The following RHBDF2 variants were observed in gnomAD, a reference collection of about 807,000 sequenced individuals.
RHBDF2 encodes rhomboid 5 homolog 2.
In RHBDF2, 38 loss-of-function variants were observed where a neutral mutation model predicts 95.2. The observed-to-expected ratio is 0.40, with a 90% CI of 0.31 to 0.52. The LOEUF is 0.52. Among genes scored for constraint, RHBDF2 ranks in the 20% least tolerant of loss-of-function variants. The pLI is 0.56. For synonymous variants in RHBDF2, 442 were observed against 462.0 expected (o/e 0.96, Z 0.55); for missense variants, 863 against 1,137.7 (o/e 0.76, Z 3.47).
At position 76,476,812 on chromosome 17, in the gene RHBDF2, T is replaced by C. The variant is rs2144110103; in HGVS notation, c.1115+18A>G. The C allele has an allele frequency of 6.3e-7, 1 of 1,576,780 alleles. No individual in the cohort carries two copies. The highest frequency in any genetic ancestry group is 2.1e-4 in the Middle Eastern group (1 of 4,706). ...GAACCTTCCAGGCTCTCCTGGGGGC[T>C]CCAGGGCGACACCTCACCGGTGGCT... On this transcript the variant is annotated intron_variant, in intron 9 of 18. Coordinates refer to ENST00000675367, the MANE Select transcript of RHBDF2 (RefSeq NM_001005498.4).
At chr17:76,496,286 G>A (rs58690509) in intron 1 of RHBDF2, among the ~76,000 whole-genome samples, 4,964 of 152,302 alleles carry the variant, frequency 0.033, 262 homozygotes, top group African/African-American at 0.11. Flanking sequence ...TCTGAGCCAC[G>A]AGCCCCACAG....
At chr17:76,483,224 TCA>T (rs2074023419) in intron 2 of RHBDF2, among the ~76,000 whole-genome samples, 1 of 152,144 alleles carries the variant, frequency 6.6e-6, no homozygotes, top group Non-Finnish European at 1.5e-5. Context: ...CCACACTCTA[TCA>T]TTTTACCTGC....
chr17:76,490,823 G>A (rs922146297), intron 1 of RHBDF2, among the ~76,000 whole-genome samples: 4 of 152,156 alleles, frequency 2.6e-5, no homozygotes, highest in Non-Finnish European at 5.9e-5. Flanking sequence ...GCCTGGCCAA[G>A]CCCTACTAGG....
intron 1 of RHBDF2, among the ~76,000 whole-genome samples, chr17:76,496,147 C>T (rs1992666): frequency 0.04 from 6,027 of 152,276 alleles, 137 homozygotes; most frequent in Middle Eastern, 0.071. Context: ...GTTGATGCCC[C>T]ACCACGGAGG....
At chr17:76,479,960 C>G in intron 3 of RHBDF2, 106 bp from the exon 4 acceptor site, 1 of 1,499,906 alleles carries the variant, frequency 6.7e-7, no homozygotes. Context: ...AAACTTCAAC[C>G]CTGATTTATG....
intron 18 of RHBDF2, chr17:76,472,391 AC>A: frequency 1.7e-6 from 1 of 580,824 alleles, no homozygotes. Context: ...CCGACGGCGC[AC>A]GGAGGCCATT....
intron 2 of RHBDF2, among the ~76,000 whole-genome samples, chr17:76,483,340 C>G (rs1250643485): frequency 2.0e-5 from 3 of 149,930 alleles, no homozygotes; most frequent in Non-Finnish European, 4.4e-5. Context: ...GATTGGAGTG[C>G]AGTGGCGCGA....
At chr17:76,493,877 G>A (rs1043266284) in intron 1 of RHBDF2, among the ~76,000 whole-genome samples, 2 of 152,238 alleles carry the variant, frequency 1.3e-5, no homozygotes, top group African/African-American at 4.8e-5. Context: ...TCTCCTCCTC[G>A]CCCCTCCAGG....
At chr17:76,472,572 G>C (rs2144032764) in intron 18 of RHBDF2, 114 bp downstream of exon 18, 1 of 1,374,086 alleles carries the variant, frequency 7.3e-7, no homozygotes, top group East Asian at 2.3e-5. Flanking sequence ...CTCCGCTGTG[G>C]AGCCCAGTAC....
At chr17:76,489,602 C>A (rs1013622461) in intron 1 of RHBDF2, among the ~76,000 whole-genome samples, 1 of 152,204 alleles carries the variant, frequency 6.6e-6, no homozygotes, top group African/African-American at 2.4e-5. Context: ...GGATTACAGG[C>A]GTGAGCCACC....
Position 76,471,379 on chromosome 17 carries a change from A to C in RHBDF2, c.*254T>G. 2 of 510,728 alleles carry C rather than the reference A, an allele frequency of 3.9e-6. No individual in the cohort carries two copies. Among genetic ancestry groups the C allele is most frequent in the Non-Finnish European group, 6.9e-6 (2 of 289,034 alleles). The allele number at this position is 510,728 out of a possible 1,614,324, so 31.6% of individuals were successfully genotyped here. ...TATTAGGAACTGAGACCCAAGACTC[A>C]GAGAGGCAGGTGCCTTGGGTGTGCC... On this transcript the variant is annotated 3_prime_UTR_variant, in exon 19 of 19. Transcript: ENST00000675367.
In RHBDF2 at chr17:76,477,775, A is replaced by G. The variant is rs1267705758; in HGVS notation, c.683T>C (p.Val228Ala). The change falls in exon 7 of 19, where the codon GTG becomes GCG. Residue 228 changes from valine to alanine, a missense_variant. Physicochemically the swap from Val to Ala is moderately conservative, Grantham distance 64 (BLOSUM62 0). Around this residue, in one of 2 missense-constraint regions of RHBDF2, gnomAD observed 611 missense variants for 725.5 expected, o/e 0.84. Coordinates refer to ENST00000675367, the MANE Select transcript of RHBDF2 (RefSeq NM_001005498.4). ...GCACCGCTGTCCGGTGGCATCCAGC[A>G]CCGAGCGCCCCTGTGCACGGGCAGA... ...AAAALLKGRSVLDATGQRCRV... is the reference protein window; with the variant it reads ...AAAALLKGRSALDATGQRCRV... 2 of 1,611,472 alleles carry G rather than the reference A, an allele frequency of 1.2e-6. No homozygotes were observed. The highest frequency in any genetic ancestry group is 1.7e-6 in the Non-Finnish European group (2 of 1,179,926).
rs1217454140 is a variant in RHBDF2 at position 76,470,939 on chromosome 17, A to C, written c.*694T>G. 3 of 152,352 alleles carry C rather than the reference A, an allele frequency of 2.0e-5. No homozygotes were observed. The highest frequency in any genetic ancestry group is 2.0e-4 in the Admixed American group (3 of 15,284). The allele number at this position is 152,352 out of a possible 1,614,324, so 9.4% of individuals were successfully genotyped here. Reference sequence around the variant, plus strand: ...TTAATCCATGAGACATCGTCCGTACAAAGTTAGCGTTACTTTTAAAAATGA... The same window carrying C: ...TTAATCCATGAGACATCGTCCGTACCAAGTTAGCGTTACTTTTAAAAATGA... On this transcript the variant is annotated 3_prime_UTR_variant, in exon 19 of 19. Coordinates refer to ENST00000675367, the MANE Select transcript of RHBDF2 (RefSeq NM_001005498.4).
chr17:76,477,688 G>A lies in RHBDF2; in HGVS notation c.770C>T (p.Ala257Val), dbSNP rs747276796. The change falls in exon 7 of 19, where the codon GCA becomes GTA. Residue 257 changes from alanine to valine, a missense_variant. By Grantham distance (64) the Ala-to-Val change is moderately conservative. This residue lies in a region of RHBDF2 where 611 missense variants were observed against 725.5 expected (regional missense o/e 0.84). Coordinates refer to ENST00000675367, the MANE Select transcript of RHBDF2 (RefSeq NM_001005498.4). ...AAAAAAGGAGGAGTCAAACGTGTCT[G>A]CCCCATCGACCACATCCTCCTCCAG... ...SFLEEDVVDG[A>V]DTFDSSFFSK... 2 of 1,614,088 alleles carry A rather than the reference G, an allele frequency of 1.2e-6. 1 individual carries two copies. Among genetic ancestry groups the A allele is most frequent in the East Asian group, 4.5e-5 (2 of 44,882 alleles).
chr17:76,491,604 C>T (rs1032663629), intron 1 of RHBDF2, among the ~76,000 whole-genome samples: 14 of 152,344 alleles, frequency 9.2e-5, no homozygotes, highest in African/African-American at 3.1e-4. Context: ...GGCCTCAGTT[C>T]CCTTCTCTGA....
chr17:76,478,108 A>T (rs1394111499), intron 6 of RHBDF2, among the ~76,000 whole-genome samples: 1 of 150,614 alleles, frequency 6.6e-6, no homozygotes, highest in Non-Finnish European at 1.5e-5. Flanking sequence ...CTATACCCTC[A>T]CTCCCGAGGC....
intron 1 of RHBDF2, among the ~76,000 whole-genome samples, chr17:76,498,465 T>C (rs1011910413): frequency 6.6e-6 from 1 of 152,180 alleles, no homozygotes; most frequent in Admixed American, 6.5e-5. Flanking sequence ...CCCTGTGCTG[T>C]GCCAGCGGCA....
chr17:76,474,645 G>A, intron 11 of RHBDF2, 85 bp downstream of exon 11: 2 of 1,612,036 alleles, frequency 1.2e-6, no homozygotes, highest in Non-Finnish European at 1.7e-6. Context: ...GCCTGCGGGT[G>A]GGTGAGGAGC....
chr17:76,483,693 A>T (rs2074038475), intron 2 of RHBDF2, among the ~76,000 whole-genome samples: 1 of 152,242 alleles, frequency 6.6e-6, no homozygotes, highest in Non-Finnish European at 1.5e-5. Context: ...GGAATTTGAG[A>T]CATGGGTCTG....
Sources: allele counts gnomAD v4.1 joint callset (sites outside exome capture counted in the v4.1 genomes callset), GRCh38; gene constraint gnomAD v4.1.1; regional missense constraint gnomAD v4.1.1; transcripts MANE v1.5; gene names NCBI Gene and HGNC (gene_info 2026-07-23, HGNC 2026-07-21).